Variants in ITGA8 observed in about 807,000 individuals in gnomAD.
ITGA8 encodes the protein integrin subunit alpha 8.
Under a neutral mutation model 142.3 loss-of-function variants are expected in ITGA8, and 91 were observed. The observed-to-expected ratio is 0.64, with a 90% CI of 0.54 to 0.76. The LOEUF is 0.76. Among genes scored for constraint, ITGA8 ranks in the 30% least tolerant of loss-of-function variants. ITGA8 has a pLI of 0.00. For synonymous variants in ITGA8, 505 were observed against 485.2 expected (o/e 1.04, Z -0.54); for missense variants, 1,406 against 1,327.7 (o/e 1.06, Z -0.92).
Position 15,671,635 on chromosome 10 carries a change from G to A in ITGA8, c.815C>T (p.Ala272Val). ...AGAATCCCCAGTAAACTCCCCAGCAGCAACTGAGTATCCTGTTTTAAAGAA... is the reference window on the plus strand; with the variant it reads ...AGAATCCCCAGTAAACTCCCCAGCAACAACTGAGTATCCTGTTTTAAAGAA... ...YDDSYLGYSV[A>V]AGEFTGDSQQ... Residue 272 changes from alanine (A) to valine (V), a missense_variant, in exon 8 of 30, where the codon GCT becomes GTT. By Grantham distance (64) the Ala-to-Val change is moderately conservative. Transcript: ENST00000378076. 1 of 1,612,206 alleles carries A rather than the reference G, an allele frequency of 6.2e-7. No individual in the cohort carries two copies. Among genetic ancestry groups the A allele is most frequent in the South Asian group, 1.1e-5 (1 of 91,018 alleles).
At chr10:15,536,238 G>GTT (rs139506779) in intron 27 of ITGA8, among the ~76,000 whole-genome samples, 20 of 151,912 alleles carry the variant, frequency 1.3e-4, no homozygotes, top group Non-Finnish European at 8.8e-5. Flanking sequence ...AGATCAATCT[G>GTT]TTTTTTGTTT....
At chr10:15,607,553 G>T in intron 17 of ITGA8, 124 bp downstream of exon 17, 2 of 894,976 alleles carry the variant, frequency 2.2e-6, no homozygotes, top group Non-Finnish European at 3.5e-6. Context: ...AAAGTTTCCT[G>T]CTATGAAAAT....
intron 24 of ITGA8, 115 bp from the exon 25 acceptor site, chr10:15,572,484 T>C: frequency 3.2e-6 from 3 of 940,702 alleles, no homozygotes; most frequent in Non-Finnish European, 4.7e-6. Flanking sequence ...TTAAGTCATC[T>C]GGACTATGAC....
At chr10:15,685,703 C>T (rs543185032) in intron 3 of ITGA8, among the ~76,000 whole-genome samples, 6 of 152,262 alleles carry the variant, frequency 3.9e-5, no homozygotes, top group South Asian at 4.2e-4. Context: ...CCTATGACCC[C>T]TTTTTAGAAT....
Position 15,678,770 on chromosome 10 carries a change from C to T in ITGA8, c.582G>A (p.Pro194=), listed in dbSNP as rs778742435. The T allele has an allele frequency of 1.4e-5, 22 of 1,606,382 alleles. No homozygotes were observed. The highest frequency in any genetic ancestry group is 4.4e-5 in the South Asian group (4 of 90,738). The part of the protein sequence containing the change: ...FSPCRNSNAD[P]EGQGYCQAGF... ...CTGCTTGGCAGTAACCCTGGCCTTC[C>T]GGATCAGCATTGCCTAGAACGATCA... Residue 194 remains proline, a synonymous_variant, in exon 5 of 30, where the codon CCG becomes CCA. Transcript: ENST00000378076.
chr10:15,566,549 G>A (rs1238374814), intron 25 of ITGA8, among the ~76,000 whole-genome samples: 3 of 151,982 alleles, frequency 2.0e-5, no homozygotes, highest in Non-Finnish European at 4.4e-5. Flanking sequence ...GGTGGCTCAT[G>A]CCTGTAATCC....
chr10:15,656,046 C>T (rs1042126358), intron 10 of ITGA8, among the ~76,000 whole-genome samples: 1 of 152,154 alleles, frequency 6.6e-6, no homozygotes, highest in Non-Finnish European at 1.5e-5. Context: ...GACTACACAA[C>T]TGCACTCCAG....
chr10:15,664,613 C>A (rs1281219391), intron 8 of ITGA8, among the ~76,000 whole-genome samples: 4 of 151,056 alleles, frequency 2.6e-5, no homozygotes, highest in Admixed American at 6.6e-5. Flanking sequence ...TGTGCTGCAC[C>A]CATTAACTCG....
intron 13 of ITGA8, among the ~76,000 whole-genome samples, chr10:15,632,413 C>T (rs1032182075): frequency 2.6e-5 from 4 of 152,146 alleles, no homozygotes; most frequent in Middle Eastern, 3.2e-3. Context: ...ATTATGTTAT[C>T]GGACTTGAAA....
At chr10:15,657,224 A>G (rs1483309728) in intron 10 of ITGA8, among the ~76,000 whole-genome samples, 1 of 152,196 alleles carries the variant, frequency 6.6e-6, no homozygotes, top group African/African-American at 2.4e-5. Context: ...AAAGTTTCTA[A>G]TGATGAAAAG....
At chr10:15,710,631 A>T (rs1191176877) in intron 2 of ITGA8, among the ~76,000 whole-genome samples, 1 of 152,166 alleles carries the variant, frequency 6.6e-6, no homozygotes, top group Non-Finnish European at 1.5e-5. Flanking sequence ...TGCTCTAGAG[A>T]GACAAGCTGT....
chr10:15,574,638 C>T (rs557138210), intron 24 of ITGA8, among the ~76,000 whole-genome samples: 2 of 152,104 alleles, frequency 1.3e-5, no homozygotes, highest in East Asian at 1.9e-4. Context: ...ATCCGCCTGC[C>T]TTGGCCTCCC....
chr10:15,537,981 A>AC (rs1007810541), intron 27 of ITGA8, among the ~76,000 whole-genome samples: 26 of 151,540 alleles, frequency 1.7e-4, no homozygotes, highest in African/African-American at 6.1e-4. Context: ...CAAAAAAAAA[A>AC]CACAAAAATT....
chr10:15,634,899 TA>T (rs971435007), intron 13 of ITGA8, among the ~76,000 whole-genome samples: 1 of 151,982 alleles, frequency 6.6e-6, no homozygotes, highest in African/African-American at 2.4e-5. Context: ...GAAGAGTTTA[TA>T]AGGGTCTACT....
intron 25 of ITGA8, among the ~76,000 whole-genome samples, chr10:15,559,313 C>G (rs1833935849): frequency 6.6e-6 from 1 of 152,212 alleles, no homozygotes; most frequent in African/African-American, 2.4e-5. Context: ...CCCAGGTACA[C>G]TCGCCAAGCC....
intron 4 of ITGA8, among the ~76,000 whole-genome samples, chr10:15,680,426 G>A (rs1049956278): frequency 2.0e-5 from 3 of 151,252 alleles, no homozygotes; most frequent in Non-Finnish European, 4.4e-5. Context: ...TTATTTTACC[G>A]CTATATTTCA....
At chr10:15,659,551 T>C (rs1834247317) in intron 9 of ITGA8, among the ~76,000 whole-genome samples, 1 of 152,260 alleles carries the variant, frequency 6.6e-6, no homozygotes, top group Non-Finnish European at 1.5e-5. Context: ...ATGTTTTTCT[T>C]TCAGAAGATC....
chr10:15,643,994 G>A (rs754954680), intron 13 of ITGA8, 36 bp downstream of exon 13: 17 of 1,577,430 alleles, frequency 1.1e-5, no homozygotes, highest in Admixed American at 3.5e-5. Context: ...ATTTCAGGAC[G>A]TAGACTCTCA....
intron 11 of ITGA8, among the ~76,000 whole-genome samples, chr10:15,652,447 ATT>A (rs58299147): frequency 4.8e-5 from 7 of 145,510 alleles, no homozygotes; most frequent in East Asian, 2.0e-4. Flanking sequence ...CCACAGTGGG[ATT>A]TTTTTTTTTT....
Sources: allele counts gnomAD v4.1 joint callset (sites outside exome capture counted in the v4.1 genomes callset), GRCh38; gene constraint gnomAD v4.1.1; transcripts MANE v1.5; gene names NCBI Gene and HGNC (gene_info 2026-07-23, HGNC 2026-07-21).